The following JAM2 variants were observed in gnomAD, a reference collection of about 807,000 sequenced individuals.
The protein encoded by JAM2 is junctional adhesion molecule B.
A neutral mutation model predicts 42.0 loss-of-function variants in JAM2; 17 were observed. The observed-to-expected ratio is 0.40, with a 90% CI of 0.28 to 0.61. The LOEUF is 0.61. Ranked by LOEUF, JAM2 falls within the 20% of genes least tolerant of loss-of-function variation. The pLI is 0.37. For missense variants in JAM2, 319 were observed against 358.3 expected (o/e 0.89, Z 0.89); for synonymous variants, 118 against 128.6 (o/e 0.92, Z 0.56).
chr21:25,646,134 C>A (rs534839574), intron 1 of JAM2, among the ~76,000 whole-genome samples: 1 of 152,262 alleles, frequency 6.6e-6, no homozygotes, highest in Non-Finnish European at 1.5e-5. Context: ...TATAGCATCA[C>A]TAGATGATAA....
intron 1 of JAM2, among the ~76,000 whole-genome samples, chr21:25,642,866 T>A (rs887904211): frequency 6.6e-6 from 1 of 152,238 alleles, no homozygotes; most frequent in African/African-American, 2.4e-5. Context: ...AAACAACGTT[T>A]ATTTCTCACA....
intron 1 of JAM2, among the ~76,000 whole-genome samples, chr21:25,675,873 A>G (rs1466772444): frequency 6.6e-6 from 1 of 152,192 alleles, no homozygotes; most frequent in Non-Finnish European, 1.5e-5. Flanking sequence ...TCTTTCAGTA[A>G]CTATCAAAAC....
intron 1 of JAM2, among the ~76,000 whole-genome samples, chr21:25,644,839 G>C (rs1168782185): frequency 1.3e-5 from 2 of 149,774 alleles, no homozygotes; most frequent in Admixed American, 6.7e-5. Context: ...ATAACTCATA[G>C]TGATATAAAG....
Position 25,698,886 on chromosome 21 carries a change from T to A in JAM2, c.597+7T>A, listed in dbSNP as rs770864657. The A allele has an allele frequency of 6.2e-7, 1 of 1,611,394 alleles. No individual in the cohort carries two copies. The highest frequency in any genetic ancestry group is 8.5e-7 in the Non-Finnish European group (1 of 1,177,698). On this transcript the variant is annotated splice_region_variant and intron_variant, in intron 5 of 9. Transcript: ENST00000480456. ...TACAAAAACTGGAACTCTGGTAAGG[T>A]CATTTCAAGATTTGACTTGATAACT...
At chr21:25,652,951 GA>G (rs1054959084) in intron 1 of JAM2, among the ~76,000 whole-genome samples, 1 of 152,176 alleles carries the variant, frequency 6.6e-6, no homozygotes, top group African/African-American at 2.4e-5. Context: ...ATCAGCTGCT[GA>G]GTCTTTTCTC....
intron 1 of JAM2, among the ~76,000 whole-genome samples, chr21:25,666,078 C>G (rs1031739312): frequency 6.6e-6 from 1 of 151,976 alleles, no homozygotes; most frequent in Non-Finnish European, 1.5e-5. Flanking sequence ...TCTCATCCAA[C>G]AACACCCTCA....
intron 1 of JAM2, among the ~76,000 whole-genome samples, chr21:25,642,759 C>T (rs1196043398): frequency 6.6e-6 from 1 of 152,180 alleles, no homozygotes; most frequent in Non-Finnish European, 1.5e-5. Flanking sequence ...AGCAAAGTTC[C>T]TGGTTAATAG....
rs1373356030 is a variant in JAM2 at position 25,706,078 on chromosome 21, A to T, written c.797A>T (p.Tyr266Phe). 6.2e-7 allele frequency: 1 copy of T among 1,602,844 alleles called. No individual in the cohort carries two copies. The highest frequency in any genetic ancestry group is 1.7e-5 in the Admixed American group (1 of 60,010). ...GTATGCTATGCTCAGAGGAAAGGCT[A>T]CTTTTCAAGTAAGTGAATTTCACCC... ...LGVCYAQRKG[Y>F]FSKETSFQKS... The change falls in exon 7 of 10, where the codon TAC becomes TTC. Residue 266 changes from tyrosine to phenylalanine, a missense_variant. Tyr to Phe is a conservative substitution (Grantham distance 22). Coordinates refer to ENST00000480456, the MANE Select transcript of JAM2 (RefSeq NM_021219.4).
rs116997246 is a variant in JAM2 at position 25,693,923 on chromosome 21, T to A, written c.394+15T>A. ...GGAAGTATTAGGTGATGTGCATGTA[T>A]GTGTGTGACTACGTCTCCCACTCCT... On this transcript the variant is annotated intron_variant, in intron 4 of 9. Transcript: ENST00000480456. 1.2e-6 allele frequency: 2 copies of A among 1,611,986 alleles called. No homozygotes were observed. Among genetic ancestry groups the A allele is most frequent in the East Asian group, 4.5e-5 (2 of 44,820 alleles).
At chr21:25,694,786 G>A (rs568967288) in intron 4 of JAM2, among the ~76,000 whole-genome samples, 1 of 151,652 alleles carries the variant, frequency 6.6e-6, no homozygotes, top group Non-Finnish European at 1.5e-5. Context: ...GCTGCAATGA[G>A]CTATGATTGT....
intron 8 of JAM2, chr21:25,712,119 TGCACAAG>T: frequency 1.8e-6 from 1 of 540,966 alleles, no homozygotes; most frequent in Admixed American, 3.0e-5. Context: ...TACATTTACG[TGCACAAG>T]GCTTCACACT....
chr21:25,710,624 C>A (rs977360253), intron 8 of JAM2, among the ~76,000 whole-genome samples: 3 of 152,114 alleles, frequency 2.0e-5, no homozygotes, highest in African/African-American at 7.2e-5. Flanking sequence ...TGAGGCCAGG[C>A]AAGCCTAGAA....
rs945453527 is a variant in JAM2 at position 25,716,086 on chromosome 21, C to T, written c.*1414C>T. 6.6e-6 allele frequency: 1 copy of T among 151,872 alleles called. No homozygotes were observed. The highest frequency in any genetic ancestry group is 1.5e-5 in the Non-Finnish European group (1 of 68,078). The allele number at this position is 151,872 out of a possible 1,614,324, so 9.4% of individuals were successfully genotyped here. A position where few individuals can be genotyped will look rare whatever the true frequency, so the allele number is the denominator to read the frequency against. The stretch of plus-strand genomic sequence containing the variant: ...ACTGCAACCTCCGCCTCCCCTCCGC[C>T]TCCCAGATTCAAGCACTTCTCCTGC... On this transcript the variant is annotated 3_prime_UTR_variant, in exon 10 of 10. Coordinates refer to ENST00000480456, the MANE Select transcript of JAM2 (RefSeq NM_021219.4).
intron 1 of JAM2, among the ~76,000 whole-genome samples, chr21:25,672,713 G>A (rs530518752): frequency 6.6e-6 from 1 of 152,296 alleles, no homozygotes; most frequent in African/African-American, 2.4e-5. Flanking sequence ...CGCAGACCAT[G>A]TCTCATTAGT....
intron 5 of JAM2, among the ~76,000 whole-genome samples, chr21:25,701,026 G>A (rs2034154206): frequency 6.6e-6 from 1 of 152,248 alleles, no homozygotes; most frequent in Non-Finnish European, 1.5e-5. Context: ...AGCTTGTGAT[G>A]TCAAAGGAAT....
chr21:25,691,004 C>T (rs2033868614), intron 3 of JAM2, among the ~76,000 whole-genome samples: 2 of 152,154 alleles, frequency 1.3e-5, no homozygotes, highest in African/African-American at 2.4e-5. Context: ...ATAAACCATG[C>T]ATTGATTACT....
rs1600978014 is a variant in JAM2 at position 25,639,560 on chromosome 21, G to T, written c.-262G>T. 5.3e-6 allele frequency: 2 copies of T among 376,058 alleles called. No homozygotes were observed. The highest frequency in any genetic ancestry group is 7.8e-5 in the East Asian group (2 of 25,586). 23.3% of individuals were successfully genotyped at this position (376,058 alleles called of 1,614,324 possible). A position where few individuals can be genotyped will look rare whatever the true frequency, so the allele number is the denominator to read the frequency against. ...GGCGGACGCCTCGTCTGGTTTTCAC[G>T]CCCTCTAGCCCCTACCCCCACACCC... On this transcript the variant is annotated 5_prime_UTR_variant, in exon 1 of 10. Coordinates refer to ENST00000480456, the MANE Select transcript of JAM2 (RefSeq NM_021219.4).
At chr21:25,702,514 T>G (rs556141978) in intron 6 of JAM2, among the ~76,000 whole-genome samples, 1 of 152,356 alleles carries the variant, frequency 6.6e-6, no homozygotes, top group East Asian at 1.9e-4. Context: ...GTTTTTTAAA[T>G]AATCGTTTTT....
chr21:25,645,516 T>C (rs1441549824), intron 1 of JAM2, among the ~76,000 whole-genome samples: 1 of 152,124 alleles, frequency 6.6e-6, no homozygotes, highest in Non-Finnish European at 1.5e-5. Flanking sequence ...GGAGTCAAAC[T>C]GGGGAGACCA....
Sources: gnomAD v4.1 joint callset for allele counts (sites outside exome capture counted in the v4.1 genomes callset) on GRCh38, gnomAD v4.1.1 for gene constraint, MANE v1.5 for transcripts, NCBI Gene and HGNC (gene_info 2026-07-23, HGNC 2026-07-21) for gene names.